Variants in PHAF1 observed in about 807,000 individuals in gnomAD.
PHAF1 encodes the protein phagophore assembly factor 1.
In PHAF1, 23 loss-of-function variants were observed where a neutral mutation model predicts 63.1. The observed-to-expected ratio is 0.36, with a 90% confidence interval of 0.26 to 0.52. The LOEUF (loss-of-function observed/expected upper bound fraction) is 0.52. Among genes scored for constraint, PHAF1 ranks in the 20% least tolerant of loss-of-function variants. The pLI, the probability that PHAF1 is intolerant of heterozygous loss-of-function variation, is 0.93. For synonymous variants in PHAF1, 167 were observed against 185.0 expected (o/e 0.90, Z 0.79); for missense variants, 427 against 517.2 (o/e 0.83, Z 1.69).
chr16:67,110,065 G>C lies in PHAF1; in HGVS notation c.-111G>C. 8.5e-7 allele frequency: 1 copy of C among 1,177,270 alleles called. No individual in the cohort carries two copies. Among genetic ancestry groups the C allele is most frequent in the South Asian group, 1.4e-5 (1 of 72,286 alleles). 72.9% of individuals were successfully genotyped at this position (1,177,270 alleles called of 1,614,324 possible). A position where few individuals can be genotyped will look rare whatever the true frequency, so the allele number is the denominator to read the frequency against. On this transcript the variant is annotated 5_prime_UTR_variant, in exon 1 of 16. Coordinates refer to ENST00000219139, the MANE Select transcript of PHAF1 (RefSeq NM_025187.5). ...GCCGCCGGGGAGGAGGTGGAAAGCG[G>C]GGCTGTGGCGGGCCGGCGGGGGCGG...
At chr16:67,122,370 G>A (rs1326288589) in intron 2 of PHAF1, among the ~76,000 whole-genome samples, 3 of 152,004 alleles carry the variant, frequency 2.0e-5, no homozygotes, top group South Asian at 2.1e-4. Context: ...CCAACACTTC[G>A]GGAGGGCCGA....
intron 2 of PHAF1, among the ~76,000 whole-genome samples, chr16:67,124,109 A>C (rs1963092072): frequency 6.6e-6 from 1 of 152,130 alleles, no homozygotes; most frequent in Non-Finnish European, 1.5e-5. Flanking sequence ...ATGCCAGGAA[A>C]AAAAAAAAAG....
In PHAF1 at chr16:67,134,207, C is replaced by T; in HGVS notation, c.490C>T (p.His164Tyr). ...AHGLASLQIP[H>Y]GATVKRMYIY... The stretch of plus-strand genomic sequence containing the variant: ...TGGCCTGGCTTCTCTCCAGATACCC[C>T]ATGGAGCAACTGTAAAACGAATGTA... The change falls in exon 7 of 16, where the codon CAT becomes TAT. Residue 164 changes from histidine to tyrosine, a missense_variant. Physicochemically the swap from His to Tyr is moderately conservative, Grantham distance 83. Coordinates refer to ENST00000219139, the MANE Select transcript of PHAF1 (RefSeq NM_025187.5). 6.2e-7 allele frequency: 1 copy of T among 1,614,128 alleles called. No individual in the cohort carries two copies. The highest frequency in any genetic ancestry group is 8.5e-7 in the Non-Finnish European group (1 of 1,180,000).
At chr16:67,121,461 C>G (rs954527923) in intron 2 of PHAF1, among the ~76,000 whole-genome samples, 5 of 148,606 alleles carry the variant, frequency 3.4e-5, no homozygotes, top group African/African-American at 1.0e-4. Flanking sequence ...CTCGACCTCC[C>G]AGAGTGCTGG....
At chr16:67,144,746 T>A in intron 11 of PHAF1, 88 bp from the exon 12 acceptor site, 1 of 1,451,974 alleles carries the variant, frequency 6.9e-7, no homozygotes, top group South Asian at 1.1e-5. Flanking sequence ...TGTGTTTGGT[T>A]CTGTTTCTCC....
intron 3 of PHAF1, among the ~76,000 whole-genome samples, chr16:67,130,170 C>T (rs1240632162): frequency 6.6e-6 from 1 of 151,790 alleles, no homozygotes; most frequent in Non-Finnish European, 1.5e-5. Context: ...CCTCAGCCTC[C>T]TCAGTAGCTG....
chr16:67,143,068 A>T (rs1183475122), intron 10 of PHAF1, among the ~76,000 whole-genome samples: 2 of 152,002 alleles, frequency 1.3e-5, no homozygotes, highest in African/African-American at 4.8e-5. Context: ...AGGGTAGGGG[A>T]TAGGAGGGAA....
At chr16:67,138,955 G>C (rs1963702867) in intron 8 of PHAF1, among the ~76,000 whole-genome samples, 1 of 152,188 alleles carries the variant, frequency 6.6e-6, no homozygotes. Flanking sequence ...GTCTCACTCT[G>C]TCACCCAGGC....
At chr16:67,116,367 G>A (rs1962732235) in intron 1 of PHAF1, among the ~76,000 whole-genome samples, 1 of 152,186 alleles carries the variant, frequency 6.6e-6, no homozygotes, top group Admixed American at 6.5e-5. Context: ...TGAGCCATGA[G>A]CTTTTTACCT....
At chr16:67,136,505 C>A (rs1811747) in intron 8 of PHAF1, among the ~76,000 whole-genome samples, 5,353 of 142,340 alleles carry the variant, frequency 0.038, 139 homozygotes, top group South Asian at 0.079. Context: ...GCCTAACCAG[C>A]ATTTATTCGT....
At chr16:67,121,780 G>A (rs571792803) in intron 2 of PHAF1, among the ~76,000 whole-genome samples, 45 of 151,576 alleles carry the variant, frequency 3.0e-4, no homozygotes, top group Non-Finnish European at 5.0e-4. Flanking sequence ...GGGTTTCTCC[G>A]TGTTGGTCAG....
intron 6 of PHAF1, among the ~76,000 whole-genome samples, chr16:67,133,711 C>T (rs546478496): frequency 8.0e-5 from 12 of 150,262 alleles, no homozygotes; most frequent in Admixed American, 1.3e-4. Flanking sequence ...ACCCGGGAGG[C>T]GGAGCTTGCA....
chr16:67,130,610 A>G (rs911562704), intron 3 of PHAF1, among the ~76,000 whole-genome samples: 5 of 151,978 alleles, frequency 3.3e-5, no homozygotes, highest in African/African-American at 1.2e-4. Flanking sequence ...GGGCCTCCCA[A>G]AGTGCTGGGA....
chr16:67,122,372 G>T (rs1597191336), intron 2 of PHAF1, among the ~76,000 whole-genome samples: 1 of 152,188 alleles, frequency 6.6e-6, no homozygotes, highest in Non-Finnish European at 1.5e-5. Context: ...AACACTTCGG[G>T]AGGGCCGAGG....
At chr16:67,124,039 G>A (rs763541568) in intron 2 of PHAF1, among the ~76,000 whole-genome samples, 1 of 152,068 alleles carries the variant, frequency 6.6e-6, no homozygotes, top group Non-Finnish European at 1.5e-5. Flanking sequence ...ATAAAACATT[G>A]ACTCTGAGAG....
intron 8 of PHAF1, among the ~76,000 whole-genome samples, chr16:67,139,084 A>T (rs897440326): frequency 1.3e-5 from 2 of 151,536 alleles, no homozygotes; most frequent in South Asian, 2.1e-4. Context: ...ACGCCTGGCT[A>T]ATTTTTATAT....
intron 1 of PHAF1, among the ~76,000 whole-genome samples, chr16:67,111,254 G>A (rs1034348181): frequency 6.6e-6 from 1 of 152,218 alleles, no homozygotes; most frequent in Non-Finnish European, 1.5e-5. Flanking sequence ...CAGTTTGGTC[G>A]TTTTGGGGTT....
chr16:67,115,072 A>G (rs1962684562), intron 1 of PHAF1, among the ~76,000 whole-genome samples: 2 of 152,178 alleles, frequency 1.3e-5, no homozygotes, highest in South Asian at 4.2e-4. Flanking sequence ...AGAGGAGAGT[A>G]GTATTGGTGG....
At chr16:67,146,588 G>C (rs1055414176) in intron 15 of PHAF1, among the ~76,000 whole-genome samples, 1 of 152,242 alleles carries the variant, frequency 6.6e-6, no homozygotes, top group Non-Finnish European at 1.5e-5. Flanking sequence ...TGTCCAACAA[G>C]ATGGGAGGTA....
Sources: gnomAD v4.1 joint callset for allele counts (sites outside exome capture counted in the v4.1 genomes callset) on GRCh38, gnomAD v4.1.1 for gene constraint, MANE v1.5 for transcripts, NCBI Gene and HGNC (gene_info 2026-07-23, HGNC 2026-07-21) for gene names.